The following GALNT17 variants were observed in gnomAD, a reference collection of about 807,000 sequenced individuals.
The protein encoded by GALNT17 is UDP-GalNAc:polypeptide N-acetylgalactosaminyltransferase-like 3.
GALNT17 carries 29 observed loss-of-function variants against 63.7 expected under a neutral mutation model. The observed-to-expected ratio is 0.46, with a 90% CI of 0.34 to 0.62. The LOEUF is 0.62. GALNT17 is among the 20% of genes least tolerant of loss of function. The pLI, the probability that GALNT17 is intolerant of heterozygous loss-of-function variation, is 0.01. For missense variants in GALNT17, 603 were observed against 799.6 expected (o/e 0.75, Z 2.97); for synonymous variants, 305 against 318.3 (o/e 0.96, Z 0.45).
chr7:71,465,044 G>T (rs1383534584), intron 5 of GALNT17, among the ~76,000 whole-genome samples: 1 of 152,148 alleles, frequency 6.6e-6, no homozygotes, highest in East Asian at 1.9e-4. Context: ...AGTTAATAGG[G>T]CTCCTTTTAT....
intron 1 of GALNT17, among the ~76,000 whole-genome samples, chr7:71,183,007 C>T (rs1049145225): frequency 2.0e-5 from 3 of 152,168 alleles, no homozygotes; most frequent in Non-Finnish European, 2.9e-5. Flanking sequence ...CATTTCATGC[C>T]AGAGCACTGC....
At chr7:71,316,949 T>C (rs964093727) in intron 1 of GALNT17, among the ~76,000 whole-genome samples, 1 of 152,084 alleles carries the variant, frequency 6.6e-6, no homozygotes, top group African/African-American at 2.4e-5. Context: ...ACTCTGGCCA[T>C]TGAGGTTATT....
At chr7:71,235,934 C>T (rs1789879842) in intron 1 of GALNT17, among the ~76,000 whole-genome samples, 1 of 152,222 alleles carries the variant, frequency 6.6e-6, no homozygotes, top group Non-Finnish European at 1.5e-5. Context: ...AATCCCAGCA[C>T]TTTGGCATGC....
intron 9 of GALNT17, among the ~76,000 whole-genome samples, chr7:71,694,274 A>T (rs1295704675): frequency 6.6e-6 from 1 of 152,072 alleles, no homozygotes; most frequent in African/African-American, 2.4e-5. Flanking sequence ...TGGGAGCTAC[A>T]ATTCCAGATG....
chr7:71,518,512 T>G (rs1405672944), intron 5 of GALNT17, among the ~76,000 whole-genome samples: 2 of 152,194 alleles, frequency 1.3e-5, no homozygotes, highest in Non-Finnish European at 2.9e-5. Context: ...CAGGATGCCA[T>G]TAATCACGCA....
chr7:71,391,171 G>A (rs534938587), intron 3 of GALNT17, among the ~76,000 whole-genome samples: 2 of 152,200 alleles, frequency 1.3e-5, no homozygotes, highest in Non-Finnish European at 2.9e-5. Flanking sequence ...AAGTGCAGGT[G>A]TGAGCTAGTG....
Position 71,571,103 on chromosome 7 carries a change from G to A in GALNT17, c.963-182G>A, listed in dbSNP as rs113467750. Among the ~76,000 whole-genome samples, 1,120 of 122,904 alleles carry A rather than the reference G, an allele frequency of 9.1e-3. 6 individuals are homozygous for A. The highest frequency in any genetic ancestry group is 0.031 in the African/African-American group (740 of 24,126). The allele number at this position is 122,904 out of a possible 152,430, so 80.6% of individuals were successfully genotyped here. On this transcript the variant is annotated intron_variant, in intron 5 of 10. Coordinates refer to ENST00000333538, the MANE Select transcript of GALNT17 (RefSeq NM_022479.3). ...CATGCTAGGCTGGAACCCAGTACAT[G>A]CTAGGCTGGAACCCAGTACATGCTA...
chr7:71,513,508 C>T (rs771231770), intron 5 of GALNT17, among the ~76,000 whole-genome samples: 5 of 152,082 alleles, frequency 3.3e-5, no homozygotes, highest in East Asian at 1.9e-4. Flanking sequence ...GCCTCAGCCT[C>T]CCGAGTAGCT....
At chr7:71,710,289 C>T (rs1232085627) in intron 9 of GALNT17, among the ~76,000 whole-genome samples, 1 of 152,110 alleles carries the variant, frequency 6.6e-6, no homozygotes, top group Non-Finnish European at 1.5e-5. Context: ...GTGGGCAGAT[C>T]ACGAGGTCAG....
chr7:71,529,957 C>T (rs1479605964), intron 5 of GALNT17, among the ~76,000 whole-genome samples: 1 of 152,150 alleles, frequency 6.6e-6, no homozygotes, highest in Non-Finnish European at 1.5e-5. Context: ...TGTAAACATA[C>T]TTTTGTTTAA....
At chr7:71,237,092 G>A (rs752926327) in intron 1 of GALNT17, among the ~76,000 whole-genome samples, 29 of 152,146 alleles carry the variant, frequency 1.9e-4, no homozygotes, top group Non-Finnish European at 3.4e-4. Flanking sequence ...AGAGTGGGAG[G>A]TAGGGTCAAA....
chr7:71,132,209 G>C lies in GALNT17; in HGVS notation c.-594G>C, dbSNP rs1031917073. ...CCCCGAGCGGGCTTCCCCTCTGCCC[G>C]GCGCGATGGAGCGGGTCGGTGAGCG... On this transcript the variant is annotated 5_prime_UTR_variant, in exon 1 of 11. Coordinates refer to ENST00000333538, the MANE Select transcript of GALNT17 (RefSeq NM_022479.3). The C allele has an allele frequency of 1.3e-5, 2 of 152,384 alleles. No individual in the cohort carries two copies. Among genetic ancestry groups the C allele is most frequent in the South Asian group, 2.1e-4 (1 of 4,838 alleles). The allele number at this position is 152,384 out of a possible 1,614,324, so 9.4% of individuals were successfully genotyped here.
Position 71,335,632 on chromosome 7 carries a change from A to C in GALNT17, c.321A>C (p.Glu107Asp). ...GGLPATLSPA[E>D]EEKAKGPHEK... Reference sequence around the variant, plus strand: ...TTCCGGCTACTCTTTCCCCGGCTGAAGAAGAAAAGGCTAAGGGACCCCATG... The same window carrying C: ...TTCCGGCTACTCTTTCCCCGGCTGACGAAGAAAAGGCTAAGGGACCCCATG... Residue 107 changes from glutamate (E) to aspartate (D), a missense_variant, in exon 2 of 11, where the codon GAA (glutamate) becomes GAC (aspartate). Glu to Asp is a conservative substitution (Grantham distance 45, BLOSUM62 2). Coordinates refer to ENST00000333538, the MANE Select transcript of GALNT17 (RefSeq NM_022479.3). The C allele has an allele frequency of 6.2e-7, 1 of 1,613,144 alleles. No individual in the cohort carries two copies. Among genetic ancestry groups the C allele is most frequent in the Non-Finnish European group, 8.5e-7 (1 of 1,179,540 alleles).
intron 6 of GALNT17, among the ~76,000 whole-genome samples, chr7:71,664,736 A>C (rs1292897782): frequency 6.6e-6 from 1 of 152,240 alleles, no homozygotes; most frequent in Non-Finnish European, 1.5e-5. Context: ...AGCTTCAGCC[A>C]GATGGGAAAG....
intron 3 of GALNT17, among the ~76,000 whole-genome samples, chr7:71,392,931 C>T (rs988817512): frequency 3.3e-5 from 5 of 152,108 alleles, no homozygotes; most frequent in African/African-American, 7.2e-5. Flanking sequence ...AAATGTTCTA[C>T]GTCTATTTAA....
At chr7:71,322,317 T>C (rs186808051) in intron 1 of GALNT17, among the ~76,000 whole-genome samples, 1 of 152,242 alleles carries the variant, frequency 6.6e-6, no homozygotes, top group East Asian at 1.9e-4. Flanking sequence ...ATAACCTTTG[T>C]AGAGCAATTC....
At chr7:71,335,489 T>C in intron 1 of GALNT17, 61 bp from the exon 2 acceptor site, 1 of 1,431,402 alleles carries the variant, frequency 7.0e-7, no homozygotes, top group Non-Finnish European at 9.3e-7. Flanking sequence ...CAGCGGAGAT[T>C]GAGTAATACA....
At chr7:71,451,135 G>A (rs1338747309) in intron 5 of GALNT17, among the ~76,000 whole-genome samples, 1 of 152,032 alleles carries the variant, frequency 6.6e-6, no homozygotes, top group Non-Finnish European at 1.5e-5. Flanking sequence ...CTGTGTCCAA[G>A]TGTTCTCATT....
intron 5 of GALNT17, among the ~76,000 whole-genome samples, chr7:71,547,478 G>T (rs1337543137): frequency 6.6e-6 from 1 of 151,966 alleles, no homozygotes; most frequent in Admixed American, 6.6e-5. Context: ...TAGAAATAGG[G>T]TTTCACCATG....
Sources: gnomAD v4.1 joint callset for allele counts (sites outside exome capture counted in the v4.1 genomes callset) on GRCh38, gnomAD v4.1.1 for gene constraint, MANE v1.5 for transcripts, NCBI Gene and HGNC (gene_info 2026-07-23, HGNC 2026-07-21) for gene names.